OPTN: variants seen among roughly 807,000 people sequenced by gnomAD.
OPTN encodes E3-14.7K-interacting protein.
A neutral mutation model predicts 70.4 loss-of-function variants in OPTN; 54 were observed. The observed-to-expected ratio is 0.77, with a 90% confidence interval of 0.62 to 0.96. The LOEUF (loss-of-function observed/expected upper bound fraction) is 0.96, where lower values mean the gene tolerates loss of function less well. Ranked by LOEUF, OPTN falls within the 40% of genes least tolerant of loss-of-function variation. The pLI is 0.00. For synonymous variants in OPTN, 256 were observed against 248.5 expected (o/e 1.03, Z -0.28); for missense variants, 624 against 673.2 (o/e 0.93, Z 0.81).
chr10:13,112,768 C>G, intron 5 of OPTN, 133 bp downstream of exon 5: 1 of 853,026 alleles, frequency 1.2e-6, no homozygotes, highest in Non-Finnish European at 1.9e-6. Context: ...GATAAATTGG[C>G]TCTCATTTTC....
intron 8 of OPTN, chr10:13,122,972 G>T: frequency 5.4e-6 from 1 of 185,024 alleles, no homozygotes; most frequent in Non-Finnish European, 1.2e-5. Context: ...ACTGCGCCCA[G>T]CTGCAAGATG....
chr10:13,126,283 C>CCTTTTTTTT lies in OPTN; in HGVS notation c.1242+244_1242+245insCTTTTTTTT, dbSNP rs771767144. ...GTCAGGGATTAAGCACTTCGTATTT[C>CCTTTTTTTT]TTTTTTTTTTTTTTTGAGACGGAGT... On this transcript the variant is annotated intron_variant, in intron 11 of 14. Transcript: ENST00000378747. Among the ~76,000 whole-genome samples the CCTTTTTTTT allele has an allele frequency of 3.5e-4, 48 of 139,048 alleles. 1 individual carries two copies. Among genetic ancestry groups the CCTTTTTTTT allele is most frequent in the South Asian group, 6.8e-4 (3 of 4,410 alleles). 91.2% of individuals were successfully genotyped at this position (139,048 alleles called of 152,430 possible). A position where few individuals can be genotyped will look rare whatever the true frequency, so the allele number is the denominator to read the frequency against.
At chr10:13,107,606 C>T (rs899543508) in intron 1 of OPTN, among the ~76,000 whole-genome samples, 7 of 151,824 alleles carry the variant, frequency 4.6e-5, no homozygotes, top group Admixed American at 3.9e-4. Flanking sequence ...TGGTCTCGAT[C>T]TCCTGACCTC....
At chr10:13,111,761 G>A (rs1440107120) in intron 4 of OPTN, among the ~76,000 whole-genome samples, 1 of 151,678 alleles carries the variant, frequency 6.6e-6, no homozygotes, top group African/African-American at 2.4e-5. Context: ...TAAAGGTGTT[G>A]AGAAACTTCC....
intron 1 of OPTN, among the ~76,000 whole-genome samples, chr10:13,106,052 C>A (rs1588431047): frequency 6.6e-6 from 1 of 152,106 alleles, no homozygotes; most frequent in East Asian, 1.9e-4. Flanking sequence ...TAAGATGAAA[C>A]CAAACACACT....
chr10:13,114,805 T>C (rs1401277261), intron 5 of OPTN, among the ~76,000 whole-genome samples: 2 of 46,782 alleles, frequency 4.3e-5, no homozygotes, highest in East Asian at 5.0e-4. Context: ...TATATATACA[T>C]ATATATAATT....
At chr10:13,110,515 T>TG in intron 4 of OPTN, 39 bp downstream of exon 4, 1 of 1,579,190 alleles carries the variant, frequency 6.3e-7, no homozygotes, top group East Asian at 2.3e-5. Context: ...TTTTTTTTTT[T>TG]TCCCTTGACA....
chr10:13,114,804 A>AT (rs1833099364), intron 5 of OPTN, among the ~76,000 whole-genome samples: 4 of 73,160 alleles, frequency 5.5e-5, no homozygotes, highest in Admixed American at 2.1e-4. Context: ...TTATATATAC[A>AT]TATATATAAT....
At chr10:13,135,845 T>G (rs1833687580) in intron 14 of OPTN, among the ~76,000 whole-genome samples, 1 of 152,166 alleles carries the variant, frequency 6.6e-6, no homozygotes. Flanking sequence ...TGCATTGTCC[T>G]GTACCTAGAA....
chr10:13,112,689 A>C (rs1355665888), intron 5 of OPTN, 54 bp downstream of exon 5: 1 of 1,536,692 alleles, frequency 6.5e-7, no homozygotes, highest in African/African-American at 1.4e-5. Flanking sequence ...CTCCCCTGGA[A>C]AGATGAAACA....
At chr10:13,122,646 GCT>G (rs1833376275) in intron 8 of OPTN, among the ~76,000 whole-genome samples, 159 bp downstream of exon 8, 1 of 152,110 alleles carries the variant, frequency 6.6e-6, no homozygotes, top group Non-Finnish European at 1.5e-5. Flanking sequence ...TCCTTGTCCT[GCT>G]CTGTGTCAAT....
chr10:13,115,209 T>TTATATATATATTTATAGATATATCTA (rs1833142087), intron 5 of OPTN, among the ~76,000 whole-genome samples: 2 of 57,156 alleles, frequency 3.5e-5, no homozygotes, highest in African/African-American at 1.3e-4. Flanking sequence ...ATATCTATAT[T>TTATATATATATTTATAGATATATCTA]TATATATATA....
intron 13 of OPTN, 45 bp from the exon 14 acceptor site, chr10:13,133,457 G>C (rs528903454): frequency 6.6e-7 from 1 of 1,518,708 alleles, no homozygotes; most frequent in Admixed American, 1.7e-5. Flanking sequence ...GTCATGTTTC[G>C]GGGTTGTAGA....
chr10:13,118,632 T>C (rs1833272640), intron 6 of OPTN, among the ~76,000 whole-genome samples: 1 of 152,178 alleles, frequency 6.6e-6, no homozygotes. Flanking sequence ...CAGTGACTGT[T>C]TGGAGGACGT....
chr10:13,122,220 T>C (rs549931163), intron 7 of OPTN, among the ~76,000 whole-genome samples, 165 bp from the exon 8 acceptor site: 140 of 152,354 alleles, frequency 9.2e-4, no homozygotes, highest in Middle Eastern at 3.4e-3. Flanking sequence ...AATTTTAGGA[T>C]GAAAAATAAA....
intron 1 of OPTN, among the ~76,000 whole-genome samples, chr10:13,106,700 C>G (rs530481095): frequency 8.9e-4 from 136 of 152,276 alleles, no homozygotes; most frequent in African/African-American, 3.2e-3. Flanking sequence ...TACAGAAAGC[C>G]CAAGGTATTG....
chr10:13,100,217 A>G lies in OPTN; in HGVS notation c.-249A>G, dbSNP rs1014098881. ...CCGCCCGCCGGCAGGTTCCCTGGTC[A>G]GCGTCCCATCCCGGTCGGGAGTTCT... is the stretch of plus-strand genomic sequence containing the variant. On this transcript the variant is annotated 5_prime_UTR_variant, in exon 1 of 15. Coordinates refer to ENST00000378747, the MANE Select transcript of OPTN (RefSeq NM_001008212.2). 1 of 154,322 alleles carries G rather than the reference A, an allele frequency of 6.5e-6. No individual in the cohort carries two copies. The highest frequency in any genetic ancestry group is 2.4e-5 in the African/African-American group (1 of 41,474). The allele number at this position is 154,322 out of a possible 1,614,324, so 9.6% of individuals were successfully genotyped here.
chr10:13,107,344 C>T (rs1468806540), intron 1 of OPTN, among the ~76,000 whole-genome samples: 1 of 150,418 alleles, frequency 6.6e-6, no homozygotes, highest in Non-Finnish European at 1.5e-5. Flanking sequence ...CACTGCACTC[C>T]AGCCTGGGCA....
At chr10:13,121,915 C>T (rs997970839) in intron 7 of OPTN, among the ~76,000 whole-genome samples, 12 of 152,276 alleles carry the variant, frequency 7.9e-5, no homozygotes, top group African/African-American at 1.9e-4. Flanking sequence ...TGGATTGGGA[C>T]GGCTTTCCTG....
Sources: gnomAD v4.1 joint callset for allele counts (sites outside exome capture counted in the v4.1 genomes callset) on GRCh38, gnomAD v4.1.1 for gene constraint, MANE v1.5 for transcripts, NCBI Gene and HGNC (gene_info 2026-07-23, HGNC 2026-07-21) for gene names.